The following SERPINB13 variants were observed in gnomAD, a reference collection of about 807,000 sequenced individuals.
The protein encoded by SERPINB13 is serpin family B member 13.
In SERPINB13, 26 loss-of-function variants were observed where a neutral mutation model predicts 31.2. The ratio of observed to expected loss-of-function variants is 0.83; its 90% CI spans 0.61 to 1.15. The LOEUF (loss-of-function observed/expected upper bound fraction) is 1.15. Among genes scored for constraint, SERPINB13 ranks in the 50% most tolerant of loss-of-function variants. The probability of loss-of-function intolerance (pLI) is 0.00; values close to 1 mark genes in which losing one functional copy is unlikely to be tolerated. For missense variants in SERPINB13, 510 were observed against 469.4 expected (o/e 1.09, Z -0.80); for synonymous variants, 191 against 172.4 (o/e 1.11, Z -0.85).
In SERPINB13 at chr18:63,598,055, A is replaced by G. The variant is rs1024721667; in HGVS notation, c.*692A>G. 3 of 152,066 alleles carry G rather than the reference A, an allele frequency of 2.0e-5. No homozygotes were observed. Among genetic ancestry groups the G allele is most frequent in the Non-Finnish European group, 4.4e-5 (3 of 67,996 alleles). The allele number at this position is 152,066 out of a possible 1,614,324, so 9.4% of individuals were successfully genotyped here. A position where few individuals can be genotyped will look rare whatever the true frequency, so the allele number is the denominator to read the frequency against. ...ATCACCTTTTTAGACTTTGTAAGGT[A>G]AATATTTGGACTAACTTTTAGAAAA... is the stretch of plus-strand genomic sequence containing the variant. On this transcript the variant is annotated 3_prime_UTR_variant, in exon 8 of 8. Transcript: ENST00000344731.
Position 63,588,787 on chromosome 18 carries a change from G to A in SERPINB13, c.120G>A (p.Met40Ile), listed in dbSNP as rs769456268. The A allele has an allele frequency of 2.0e-5, 33 of 1,614,042 alleles. No individual in the cohort carries two copies. Among genetic ancestry groups the A allele is most frequent in the Non-Finnish European group, 2.6e-5 (31 of 1,180,030 alleles). ...SPVGILTAIG[M>I]VLLGTRGATA... ...TGGGCATCTTGACTGCAATTGGCATGGTCCTCCTGGGGACCCGAGGAGCCA... is the reference window on the plus strand; with the variant it reads ...TGGGCATCTTGACTGCAATTGGCATAGTCCTCCTGGGGACCCGAGGAGCCA... Residue 40 changes from methionine (M) to isoleucine (I), a missense_variant, in exon 2 of 8, where the codon ATG (methionine) becomes ATA (isoleucine). Physicochemically the swap from Met to Ile is conservative, Grantham distance 10. Coordinates refer to ENST00000344731, the MANE Select transcript of SERPINB13 (RefSeq NM_012397.4).
Position 63,592,375 on chromosome 18 carries a change from C to T in SERPINB13, c.253C>T (p.Gln85Ter). 1 of 1,612,828 alleles carries T rather than the reference C, an allele frequency of 6.2e-7. No individual in the cohort carries two copies. The highest frequency in any genetic ancestry group is 1.1e-5 in the South Asian group (1 of 90,756). Reference sequence around the variant, plus strand: ...TGAGAACACAGAAGCAGTACATCAACAATTCCAAAAGTTTTTGACTGAAAT... The same window carrying T: ...TGAGAACACAGAAGCAGTACATCAATAATTCCAAAAGTTTTTGACTGAAAT... Reference protein sequence around the residue: ...VIENTEAVHQQFQKFLTEISK... With the variant: ...VIENTEAVHQ Residue 85 changes from glutamine to a stop codon, truncating the protein, a stop_gained, in exon 4 of 8, where the codon CAA (glutamine) becomes TAA (stop). Transcript: ENST00000344731. LOFTEE classifies it high-confidence loss of function.
chr18:63,596,874 C>A, intron 7 of SERPINB13, 85 bp from the exon 8 acceptor site: 1 of 1,128,738 alleles, frequency 8.9e-7, no homozygotes, highest in Non-Finnish European at 1.2e-6. Context: ...AAATTAATAA[C>A]TTCTGACTGA....
Position 63,595,127 on chromosome 18 carries a change from A to T in SERPINB13, c.714A>T (p.Lys238Asn), listed in dbSNP as rs1301320460. The T allele has an allele frequency of 6.2e-7, 1 of 1,613,992 alleles. No homozygotes were observed. The highest frequency in any genetic ancestry group is 1.3e-5 in the African/African-American group (1 of 74,910). ...LQAKILGIPY[K>N]NNDLSMFVLL... ...CCAAAATTCTAGGGATTCCATATAA[A>T]AACAACGACCTAAGCATGTTTGTGC... The change falls in exon 7 of 8, where the codon AAA becomes AAT. Residue 238 changes from lysine (K) to asparagine (N), a missense_variant. Lys to Asn is a moderately conservative substitution (Grantham distance 94). Transcript: ENST00000344731.
At position 63,597,080 on chromosome 18, in the gene SERPINB13, C is replaced by T. The variant is rs864622008; in HGVS notation, c.893C>T (p.Ala298Val). 1.7e-5 allele frequency: 28 copies of T among 1,614,042 alleles called. No individual in the cohort carries two copies. The highest frequency in any genetic ancestry group is 8.0e-5 in the African/African-American group (6 of 74,900). The part of the protein sequence containing the change: ...FEVEDGYDLE[A>V]VLAAMGMGDA... ...GTGGAGGACGGTTACGATCTAGAGGCGGTCCTGGCTGCCATGGGGATGGGC... is the reference window on the plus strand; with the variant it reads ...GTGGAGGACGGTTACGATCTAGAGGTGGTCCTGGCTGCCATGGGGATGGGC... Residue 298 changes from alanine (A) to valine (V), a missense_variant, in exon 8 of 8, where the codon GCG (alanine) becomes GTG (valine). Transcript: ENST00000344731.
rs147879340 is a variant in SERPINB13, at chr18:63,588,186, A to T, written c.-17-465A>T. ...TCAAGTCTCGGCTTAATTATTGCTAAGGTTGGATCTGAGAGCACTGTTTGA... is the reference window on the plus strand; with the variant it reads ...TCAAGTCTCGGCTTAATTATTGCTATGGTTGGATCTGAGAGCACTGTTTGA... On this transcript the variant is annotated intron_variant, in intron 1 of 7. Transcript: ENST00000344731. Among the ~76,000 whole-genome samples the T allele has an allele frequency of 2.0e-3, 309 of 152,298 alleles. 2 individuals carry two copies. The highest frequency in any genetic ancestry group is 7.0e-3 in the African/African-American group (292 of 41,556).
At chr18:63,589,521 C>T (rs1485896131) in intron 2 of SERPINB13, 135 bp from the exon 3 acceptor site, 1 of 1,125,454 alleles carries the variant, frequency 8.9e-7, no homozygotes, top group East Asian at 2.6e-5. Flanking sequence ...AGACCTTTTT[C>T]TGATTTTGCA....
intron 3 of SERPINB13, 69 bp from the exon 4 acceptor site, chr18:63,592,279 C>G (rs572847965): frequency 7.8e-6 from 12 of 1,530,444 alleles, no homozygotes; most frequent in Admixed American, 2.0e-5. Context: ...GCAGCCGCAT[C>G]CTCTTAGGGG....
In SERPINB13 at chr18:63,595,174, G is replaced by T. The variant is rs773175293; in HGVS notation, c.761G>T (p.Gly254Val). 1 of 1,611,960 alleles carries T rather than the reference G, an allele frequency of 6.2e-7. No individual in the cohort carries two copies. The highest frequency in any genetic ancestry group is 1.1e-5 in the South Asian group (1 of 90,664). ...GTGCTTCTGCCCAACGACATCGATG[G>T]CCTGGAGAAGGTAAACGCTTACACC... ...MFVLLPNDID[G>V]LEKIIDKISP... Residue 254 changes from glycine to valine, a missense_variant, in exon 7 of 8, where the codon GGC becomes GTC. Physicochemically the swap from Gly to Val is moderately radical, Grantham distance 109. Transcript: ENST00000344731.
chr18:63,589,195 ATT>A (rs1182484122), intron 2 of SERPINB13, among the ~76,000 whole-genome samples: 7 of 152,162 alleles, frequency 4.6e-5, no homozygotes, highest in African/African-American at 1.7e-4. Context: ...AATTAGAGGT[ATT>A]TTTAGTAAAG....
intron 5 of SERPINB13, among the ~76,000 whole-genome samples, chr18:63,593,265 G>A (rs567659438): frequency 2.0e-5 from 3 of 152,272 alleles, no homozygotes; most frequent in African/African-American, 4.8e-5. Flanking sequence ...GCACGGAAAC[G>A]CTTGCTGGAG....
At chr18:63,596,613 A>G (rs920838911) in intron 7 of SERPINB13, among the ~76,000 whole-genome samples, 8 of 152,248 alleles carry the variant, frequency 5.3e-5, no homozygotes, top group Non-Finnish European at 1.0e-4. Context: ...TTATCAAATA[A>G]AATGGACATT....
intron 2 of SERPINB13, 147 bp downstream of exon 2, chr18:63,588,979 C>T: frequency 1.1e-6 from 1 of 880,514 alleles, no homozygotes; most frequent in South Asian, 2.0e-5. Flanking sequence ...GGAGCAATTT[C>T]AGGTCTATCA....
Position 63,598,149 on chromosome 18 carries a change from C to G in SERPINB13, c.*786C>G, listed in dbSNP as rs1912298720. 2 of 148,138 alleles carry G rather than the reference C, an allele frequency of 1.4e-5. No individual in the cohort carries two copies. Among genetic ancestry groups the G allele is most frequent in the African/African-American group, 2.5e-5 (1 of 40,210 alleles). 9.2% of individuals were successfully genotyped at this position (148,138 alleles called of 1,614,324 possible). A position where few individuals can be genotyped will look rare whatever the true frequency, so the allele number is the denominator to read the frequency against. ...TTTTTTGAGTGAGGTACGAGTATTA[C>G]CAAATGATATTTTCTGAAGATGCTT... On this transcript the variant is annotated 3_prime_UTR_variant, in exon 8 of 8. Transcript: ENST00000344731.
At position 63,598,392 on chromosome 18, in the gene SERPINB13, T is replaced by A. The variant is rs993932367; in HGVS notation, c.*1029T>A. 8.5e-5 allele frequency: 13 copies of A among 152,282 alleles called. No individual in the cohort carries two copies. Among genetic ancestry groups the A allele is most frequent in the African/African-American group, 3.1e-4 (13 of 41,584 alleles). The allele number at this position is 152,282 out of a possible 1,614,324, so 9.4% of individuals were successfully genotyped here. Reference sequence around the variant, plus strand: ...ATCGCCACAATCCAGTTTTAGAATATTTCCATGACCCTAAGAAGTTTCCTC... The same window carrying A: ...ATCGCCACAATCCAGTTTTAGAATAATTCCATGACCCTAAGAAGTTTCCTC... On this transcript the variant is annotated 3_prime_UTR_variant, in exon 8 of 8. Transcript: ENST00000344731.
chr18:63,595,374 G>A (rs1373032465), intron 7 of SERPINB13, among the ~76,000 whole-genome samples, 190 bp downstream of exon 7: 1 of 152,146 alleles, frequency 6.6e-6, no homozygotes, highest in East Asian at 1.9e-4. Flanking sequence ...ACTAATCCTA[G>A]AATGTTTGGG....
intron 7 of SERPINB13, among the ~76,000 whole-genome samples, chr18:63,596,013 A>G (rs1033366638): frequency 5.3e-5 from 8 of 152,128 alleles, no homozygotes; most frequent in African/African-American, 1.9e-4. Context: ...CTGTTCCTCT[A>G]GTGGCTTTCT....
In SERPINB13 at chr18:63,597,910, C is replaced by T. The variant is rs1912282846; in HGVS notation, c.*547C>T. ...ACAATATACCAGATGGAGAGGATGC[C>T]CGTATTTTCATCTTCCATTCTAACA... On this transcript the variant is annotated 3_prime_UTR_variant, in exon 8 of 8. Transcript: ENST00000344731. 6.6e-6 allele frequency: 1 copy of T among 152,556 alleles called. No homozygotes were observed. The highest frequency in any genetic ancestry group is 6.5e-5 in the Admixed American group (1 of 15,380). 9.5% of individuals were successfully genotyped at this position (152,556 alleles called of 1,614,324 possible). A position where few individuals can be genotyped will look rare whatever the true frequency, so the allele number is the denominator to read the frequency against.
chr18:63,594,490 T>A lies in SERPINB13; in HGVS notation c.608T>A (p.Met203Lys), dbSNP rs1912043656. Reference protein sequence around the residue: ...KENTKEEKFWMNKSTSKSVQM... With the variant: ...KENTKEEKFWKNKSTSKSVQM... ...AATACTAAGGAAGAGAAATTTTGGA[T>A]GAATAAGGTATGGCCCTTAGTTTAT... The change falls in exon 6 of 8, where the codon ATG (methionine) becomes AAG (lysine). Residue 203 changes from methionine (M) to lysine (K), a missense_variant. Physicochemically the swap from Met to Lys is moderately conservative, Grantham distance 95 (BLOSUM62 -1). Transcript: ENST00000344731. 8.7e-6 allele frequency: 14 copies of A among 1,613,866 alleles called. No homozygotes were observed. The highest frequency in any genetic ancestry group is 1.1e-5 in the Non-Finnish European group (13 of 1,179,878).
Sources: gnomAD v4.1 joint callset for allele counts (sites outside exome capture counted in the v4.1 genomes callset) on GRCh38, gnomAD v4.1.1 for gene constraint, MANE v1.5 for transcripts, NCBI Gene and HGNC (gene_info 2026-07-23, HGNC 2026-07-21) for gene names.